PCDHGA1: variants seen among roughly 807,000 people sequenced by gnomAD.
The protein encoded by PCDHGA1 is protocadherin gamma-A1.
In PCDHGA1, 32 loss-of-function variants were observed where a neutral mutation model predicts 58.0. That is an observed-to-expected ratio of 0.55 (90% CI 0.42 to 0.74). PCDHGA1 has a LOEUF of 0.74. Ranked by LOEUF, PCDHGA1 falls within the 30% of genes least tolerant of loss-of-function variation. PCDHGA1 has a pLI of 0.00. For synonymous variants in PCDHGA1, 498 were observed against 501.1 expected (o/e 0.99, Z 0.08); for missense variants, 1,205 against 1,182.3 (o/e 1.02, Z -0.28).
rs201568844 is a variant in PCDHGA1 at position 141,331,117 on chromosome 5, A to C, written c.433A>C (p.Ile145Leu). 2 of 1,614,034 alleles carry C rather than the reference A, an allele frequency of 1.2e-6. No homozygotes were observed. The highest frequency in any genetic ancestry group is 2.7e-5 in the African/African-American group (2 of 74,922). ...GGAACTGGAGTTTAAAATGAATGAAATAACGACTCCAGGTACCAGAGTCTC... is the reference window on the plus strand; with the variant it reads ...GGAACTGGAGTTTAAAATGAATGAACTAACGACTCCAGGTACCAGAGTCTC... Reference protein sequence around the residue: ...LEELEFKMNEITTPGTRVSLP... With the variant: ...LEELEFKMNELTTPGTRVSLP... The change falls in exon 1 of 4, where the codon ATA (isoleucine) becomes CTA (leucine). Residue 145 changes from isoleucine (I) to leucine (L), a missense_variant. Transcript: ENST00000517417.
intron 1 of PCDHGA1, among the ~76,000 whole-genome samples, chr5:141,406,298 T>G (rs2154537368): frequency 6.6e-6 from 1 of 152,178 alleles, no homozygotes; most frequent in East Asian, 1.9e-4. Flanking sequence ...GGGTGAGGTG[T>G]GAACCACCTC....
chr5:141,365,327 G>C lies in PCDHGA1; in HGVS notation c.2421+32222G>C, dbSNP rs747026177. The C allele has an allele frequency of 1.1e-5, 17 of 1,613,880 alleles. No individual in the cohort carries two copies. The Admixed American group carries it at 2.8e-4, about 27-fold the overall frequency. On this transcript the variant is annotated intron_variant, in intron 1 of 3. Transcript: ENST00000517417. ...AGGCGCTCTTGTTGCCAGCGCTAAG[G>C]TGGTGGTCACAGTACAGGACGTGAA... is the stretch of plus-strand genomic sequence containing the variant.
chr5:141,389,791 TC>T (rs754420674), intron 1 of PCDHGA1: 1 of 1,613,408 alleles, frequency 6.2e-7, no homozygotes, highest in Non-Finnish European at 8.5e-7. Context: ...AGGGACGCCG[TC>T]CGCCAGCGCC....
Position 141,490,888 on chromosome 5 carries a change from C to G in PCDHGA1, c.2422-3919C>G. The G allele has an allele frequency of 1.2e-6, 2 of 1,613,358 alleles. No individual in the cohort carries two copies. The highest frequency in any genetic ancestry group is 1.7e-6 in the Non-Finnish European group (2 of 1,179,390). On this transcript the variant is annotated intron_variant, in intron 1 of 3. Transcript: ENST00000517417. This position sits in a 1 kb window ranked among gnomAD's most constrained non-coding sequence, Gnocchi z 5.4. Reference sequence around the variant, plus strand: ...TCCCCCATTGCATGCCAACACATCTCTGCATGTGTTTGTCCTAGACGAGAA... The same window carrying G: ...TCCCCCATTGCATGCCAACACATCTGTGCATGTGTTTGTCCTAGACGAGAA...
chr5:141,345,710 G>T lies in PCDHGA1; in HGVS notation c.2421+12605G>T, dbSNP rs373967163. 6 of 1,614,076 alleles carry T rather than the reference G, an allele frequency of 3.7e-6. No individual in the cohort carries two copies. The Admixed American group carries it at 1.0e-4, about 27-fold the overall frequency. ...TCGTGCTGGACCAGAACGACAACGC[G>T]CCCGAGATCCTGTACCCCGCCCTCC... On this transcript the variant is annotated intron_variant, in intron 1 of 3. Transcript: ENST00000517417.
intron 1 of PCDHGA1, among the ~76,000 whole-genome samples, chr5:141,484,179 A>G (rs2099592960): frequency 6.6e-6 from 1 of 152,222 alleles, no homozygotes; most frequent in South Asian, 2.1e-4. Context: ...GATCTCAATC[A>G]TTCAAGGAAG....
intron 1 of PCDHGA1, among the ~76,000 whole-genome samples, chr5:141,471,869 G>A (rs1234106506): frequency 6.6e-6 from 1 of 152,172 alleles, no homozygotes; most frequent in Non-Finnish European, 1.5e-5. Flanking sequence ...AACTGTGGTT[G>A]CCTGAGGCTG....
rs762948849 is a variant in PCDHGA1, at chr5:141,331,875, A to T, written c.1191A>T (p.Leu397Phe). ...ATTTACCCTTTAAATTGGAAAAGTT[A>T]GTTGATAATTATTACCGTTTAGTGA... ...PGNLPFKLEK[L>F]VDNYYRLVTE... is the part of the protein sequence containing the mutation. The change falls in exon 1 of 4, where the codon TTA becomes TTT. Residue 397 changes from leucine to phenylalanine, a missense_variant. Leu to Phe is a conservative substitution (Grantham distance 22). Transcript: ENST00000517417. 1 of 1,614,202 alleles carries T rather than the reference A, an allele frequency of 6.2e-7. No homozygotes were observed. Among genetic ancestry groups the T allele is most frequent in the South Asian group, 1.1e-5 (1 of 91,074 alleles).
At chr5:141,357,719 C>T (rs935552148) in intron 1 of PCDHGA1, 5 of 1,429,472 alleles carry the variant, frequency 3.5e-6, no homozygotes, top group Admixed American at 5.2e-5. Context: ...AATAAAGTTG[C>T]CTCTTTTAAT....
At chr5:141,436,324 G>A (rs972756085) in intron 1 of PCDHGA1, among the ~76,000 whole-genome samples, 10 of 152,134 alleles carry the variant, frequency 6.6e-5, no homozygotes, top group African/African-American at 2.4e-4. Flanking sequence ...AAGACTGTTA[G>A]ACCATATCTC....
Position 141,433,407 on chromosome 5 carries a change from T to C in PCDHGA1, c.2422-61400T>C, listed in dbSNP as rs939103465. Among the ~76,000 whole-genome samples, 537 of 125,956 alleles carry C rather than the reference T, an allele frequency of 4.3e-3. 4 individuals carry two copies. Among genetic ancestry groups the C allele is most frequent in the African/African-American group, 0.016 (523 of 33,156 alleles). The allele number at this position is 125,956 out of a possible 152,430, so 82.6% of individuals were successfully genotyped here. On this transcript the variant is annotated intron_variant, in intron 1 of 3. Coordinates refer to ENST00000517417, the MANE Select transcript of PCDHGA1 (RefSeq NM_018912.3). ...TCTATCTATCTATCTATCTATCTATTACTTTCTTGTACAGACAGGAGTCTC... is the reference window on the plus strand; with the variant it reads ...TCTATCTATCTATCTATCTATCTATCACTTTCTTGTACAGACAGGAGTCTC...
chr5:141,476,230 G>A lies in PCDHGA1; in HGVS notation c.2422-18577G>A, dbSNP rs906283645. On this transcript the variant is annotated intron_variant, in intron 1 of 3. Coordinates refer to ENST00000517417, the MANE Select transcript of PCDHGA1 (RefSeq NM_018912.3). This position sits in a 1 kb window ranked among gnomAD's most constrained non-coding sequence, Gnocchi z 7.6. Reference sequence around the variant, plus strand: ...CCACGGTCATTCACTATGAGATCCCGGAGGAAAGAGAGAAGGGTTTCGCTG... The same window carrying A: ...CCACGGTCATTCACTATGAGATCCCAGAGGAAAGAGAGAAGGGTTTCGCTG... The A allele has an allele frequency of 1.2e-6, 2 of 1,614,040 alleles. No homozygotes were observed. Among genetic ancestry groups the A allele is most frequent in the Non-Finnish European group, 1.7e-6 (2 of 1,180,024 alleles).
chr5:141,366,108 C>A (rs1179892338), intron 1 of PCDHGA1: 1 of 1,614,222 alleles, frequency 6.2e-7, no homozygotes, highest in South Asian at 1.1e-5. Flanking sequence ...AAGGTGGTAG[C>A]GGTGGACAAA....
chr5:141,356,553 T>C (rs987125260), intron 1 of PCDHGA1: 2 of 1,614,138 alleles, frequency 1.2e-6, no homozygotes, highest in Admixed American at 3.3e-5. Context: ...ACCCACCCAC[T>C]TTCCCTCATG....
chr5:141,346,317 G>C lies in PCDHGA1; in HGVS notation c.2421+13212G>C, dbSNP rs774594124. On this transcript the variant is annotated intron_variant, in intron 1 of 3. Transcript: ENST00000517417. ...TTCCCACGAGGTCTCCCTCACTGCG[G>C]ACTCGCGGAAGAGCCACCTGATTTT... 16 of 1,614,090 alleles carry C rather than the reference G, an allele frequency of 9.9e-6. No individual in the cohort carries two copies. The Middle Eastern group carries it at 4.9e-4, about 50-fold the overall frequency.
At chr5:141,508,383 T>C (rs1169318572) in intron 3 of PCDHGA1, 1 of 152,236 alleles carries the variant, frequency 6.6e-6, no homozygotes, top group Non-Finnish European at 1.5e-5. Flanking sequence ...CTCAGATTTA[T>C]AGATGGGAAA....
chr5:141,457,273 G>A (rs746102734), intron 1 of PCDHGA1, among the ~76,000 whole-genome samples: 7 of 152,144 alleles, frequency 4.6e-5, no homozygotes, highest in Admixed American at 1.3e-4. Context: ...CCCTCTGTGG[G>A]CCTACGAAGT....
chr5:141,432,997 G>A lies in PCDHGA1; in HGVS notation c.2422-61810G>A, dbSNP rs778828769. ...CGCACTTTGTGGGCGTGGACGGGGT[G>A]CAGGCTTTCCTGCAGACCTATTCCC... is the stretch of plus-strand genomic sequence containing the variant. On this transcript the variant is annotated intron_variant, in intron 1 of 3. Coordinates refer to ENST00000517417, the MANE Select transcript of PCDHGA1 (RefSeq NM_018912.3). This position sits in a 1 kb window ranked among gnomAD's most constrained non-coding sequence, Gnocchi z 6.0. 5 of 1,614,082 alleles carry A rather than the reference G, an allele frequency of 3.1e-6. No homozygotes were observed. In the Admixed American group the frequency reaches 8.3e-5, roughly 27 times the overall value.
intron 1 of PCDHGA1, chr5:141,364,256 A>G (rs949451057): frequency 6.7e-6 from 10 of 1,494,914 alleles, no homozygotes; most frequent in Non-Finnish European, 8.9e-6. Flanking sequence ...GGGAATATGT[A>G]CCCATCGGCT....
Sources: gnomAD v4.1 joint callset for allele counts (sites outside exome capture counted in the v4.1 genomes callset) on GRCh38, gnomAD v4.1.1 for gene constraint, Gnocchi (gnomAD v3.1) non-coding constraint, MANE v1.5 for transcripts, NCBI Gene and HGNC (gene_info 2026-07-23, HGNC 2026-07-21) for gene names.